The following SLC38A6 variants were observed in gnomAD, a reference collection of about 807,000 sequenced individuals.
The protein encoded by SLC38A6 is solute carrier family 38 member 6.
In SLC38A6, 73 loss-of-function variants were observed where a neutral mutation model predicts 65.0. The ratio of observed to expected loss-of-function variants is 1.12; its 90% CI spans 0.93 to 1.37. The LOEUF is 1.37. Ranked by LOEUF, SLC38A6 falls within the 40% of genes most tolerant of loss-of-function variation. The pLI is 0.00. For missense variants in SLC38A6, 561 were observed against 531.1 expected (o/e 1.06, Z -0.55); for synonymous variants, 183 against 178.8 (o/e 1.02, Z -0.19).
chr14:61,045,818 G>A (rs1402126229), intron 11 of SLC38A6, among the ~76,000 whole-genome samples: 1 of 149,260 alleles, frequency 6.7e-6, no homozygotes, highest in Non-Finnish European at 1.5e-5. Context: ...CCCAGGAGGT[G>A]GAGGTTACAG....
At chr14:61,043,299 G>A in intron 9 of SLC38A6, 87 bp downstream of exon 9, 1 of 1,109,678 alleles carries the variant, frequency 9.0e-7, no homozygotes, top group East Asian at 2.5e-5. Context: ...TCTGATTGAT[G>A]AAAAAGTAAT....
intron 5 of SLC38A6, among the ~76,000 whole-genome samples, chr14:61,027,056 T>C (rs2040649556): frequency 6.6e-6 from 1 of 152,152 alleles, no homozygotes; most frequent in African/African-American, 2.4e-5. Context: ...AATCAGATTT[T>C]ACCCCATTTT....
At chr14:61,030,368 C>G in intron 5 of SLC38A6, 77 bp from the exon 6 acceptor site, 1 of 1,131,176 alleles carries the variant, frequency 8.8e-7, no homozygotes, top group Non-Finnish European at 1.3e-6. Flanking sequence ...ATGGACATCT[C>G]TTTTCCTAGA....
chr14:60,994,317 G>A (rs984763170), intron 3 of SLC38A6, among the ~76,000 whole-genome samples: 2 of 152,150 alleles, frequency 1.3e-5, no homozygotes, highest in Non-Finnish European at 2.9e-5. Flanking sequence ...AGGCCAAGGC[G>A]GGCGGATCAC....
At chr14:61,081,997 GCA>G (rs963123352) in intron 16 of SLC38A6, among the ~76,000 whole-genome samples, 1 of 152,120 alleles carries the variant, frequency 6.6e-6, no homozygotes, top group Admixed American at 6.5e-5. Context: ...ACATGGGAGT[GCA>G]CAGCAGTGCT....
intron 3 of SLC38A6, among the ~76,000 whole-genome samples, chr14:61,014,498 T>TC (rs920566138): frequency 3.9e-5 from 6 of 152,200 alleles, no homozygotes; most frequent in African/African-American, 1.4e-4. Flanking sequence ...CTCTGTTTTT[T>TC]CCCCATCTTT....
intron 6 of SLC38A6, among the ~76,000 whole-genome samples, chr14:61,036,558 A>G (rs1385088450): frequency 6.6e-6 from 1 of 152,168 alleles, no homozygotes; most frequent in Non-Finnish European, 1.5e-5. Flanking sequence ...ATGTATACCT[A>G]CGTAACAAGC....
At chr14:61,054,664 C>A (rs1000281081), downstream of SLC38A6, among the ~76,000 whole-genome samples, 2 of 152,018 alleles carry the variant, frequency 1.3e-5, no homozygotes, top group Non-Finnish European at 2.9e-5. Context: ...TGATTTGGCT[C>A]TCAGTTTGGT....
intron 6 of SLC38A6, chr14:61,034,295 T>A (rs1275252270): frequency 6.6e-6 from 1 of 152,208 alleles, no homozygotes. Context: ...CTCCCTTTTG[T>A]ACAACTTTAG....
At chr14:61,081,573 T>C (rs1226415341) in intron 16 of SLC38A6, among the ~76,000 whole-genome samples, 1 of 151,934 alleles carries the variant, frequency 6.6e-6, no homozygotes, top group African/African-American at 2.4e-5. Flanking sequence ...TAATCCCAGC[T>C]ACTCAGGAGG....
rs199841219 is a variant in SLC38A6, at chr14:61,014,032, AG to A, written c.311-1871del. Among the ~76,000 whole-genome samples the A allele has an allele frequency of 8.5e-3, 1,301 of 152,276 alleles. 22 individuals carry two copies. The highest frequency in any genetic ancestry group is 0.03 in the African/African-American group (1,227 of 41,540). ...ACTTTCAGGTACACCAATCAGACGTAGATTTGGTCTTTTCACATAGTCCCAT... is the reference window on the plus strand; with the variant it reads ...ACTTTCAGGTACACCAATCAGACGTAATTTGGTCTTTTCACATAGTCCCAT... On this transcript the variant is annotated intron_variant, in intron 3 of 15. Transcript: ENST00000267488.
At chr14:60,997,179 T>C (rs1275561826) in intron 3 of SLC38A6, among the ~76,000 whole-genome samples, 1 of 151,968 alleles carries the variant, frequency 6.6e-6, no homozygotes, top group Non-Finnish European at 1.5e-5. Context: ...CAGGCTGGAG[T>C]GCAGTGGTGT....
rs536073976 is a variant in SLC38A6 at position 61,023,981 on chromosome 14, G to A, written c.403+4401G>A. On this transcript the variant is annotated intron_variant, in intron 5 of 15. Coordinates refer to ENST00000267488, the MANE Select transcript of SLC38A6 (RefSeq NM_153811.3). ...AGAAAGGACTAAGAGGGGAGAGGGGGAAAAGCTAGTGACCTGGCTTAGTAC... is the reference window on the plus strand; with the variant it reads ...AGAAAGGACTAAGAGGGGAGAGGGGAAAAAGCTAGTGACCTGGCTTAGTAC... Among the ~76,000 whole-genome samples the A allele has an allele frequency of 1.3e-3, 204 of 152,198 alleles. 2 individuals are homozygous for A. Among genetic ancestry groups the A allele is most frequent in the Non-Finnish European group, 4.3e-4 (29 of 68,006 alleles).
chr14:61,046,596 A>G (rs1426483173), intron 12 of SLC38A6, among the ~76,000 whole-genome samples: 1 of 152,222 alleles, frequency 6.6e-6, no homozygotes, highest in East Asian at 1.9e-4. Context: ...CTATATCTGT[A>G]TACTTAGATG....
intron 3 of SLC38A6, among the ~76,000 whole-genome samples, chr14:61,014,352 G>C (rs2039828689): frequency 6.6e-6 from 1 of 152,070 alleles, no homozygotes; most frequent in Non-Finnish European, 1.5e-5. Context: ...GCTTGGAGTA[G>C]TTTGATCTTC....
chr14:61,043,140 T>C lies in SLC38A6; in HGVS notation c.625-7T>C. ...GATCTGAGTGCTGATTCTGTTTACTTTTTTAGGTAATAATTAAAAAATGGT... is the reference window on the plus strand; with the variant it reads ...GATCTGAGTGCTGATTCTGTTTACTCTTTTAGGTAATAATTAAAAAATGGT... On this transcript the variant is annotated splice_polypyrimidine_tract_variant and splice_region_variant and intron_variant, in intron 8 of 15. Transcript: ENST00000267488. The C allele has an allele frequency of 6.6e-7, 1 of 1,507,690 alleles. No individual in the cohort carries two copies. 93.4% of individuals were successfully genotyped at this position (1,507,690 alleles called of 1,614,324 possible).
chr14:60,999,607 A>G (rs1313868956), intron 3 of SLC38A6, among the ~76,000 whole-genome samples: 1 of 152,224 alleles, frequency 6.6e-6, no homozygotes, highest in Non-Finnish European at 1.5e-5. Flanking sequence ...TTGTTACCTT[A>G]TATGGCAAAA....
intron 9 of SLC38A6, 30 bp from the exon 10 acceptor site, chr14:61,043,420 T>A (rs749532918): frequency 6.5e-7 from 1 of 1,544,872 alleles, no homozygotes; most frequent in East Asian, 2.3e-5. Context: ...GCTGTTGGTT[T>A]CTCTTTTTCC....
intron 13 of SLC38A6, 87 bp from the exon 14 acceptor site, chr14:61,051,700 A>T (rs1419692301): frequency 6.7e-7 from 1 of 1,485,538 alleles, no homozygotes; most frequent in Non-Finnish European, 9.1e-7. Context: ...AGGCAAAAAT[A>T]TCATGGTTGT....
Sources: gnomAD v4.1 joint callset for allele counts (sites outside exome capture counted in the v4.1 genomes callset) on GRCh38, gnomAD v4.1.1 for gene constraint, MANE v1.5 for transcripts, NCBI Gene and HGNC (gene_info 2026-07-23, HGNC 2026-07-21) for gene names.